Variants in DOCK4 observed in about 807,000 individuals in gnomAD.
DOCK4 encodes dedicator of cytokinesis 4.
A neutral mutation model predicts 268.1 loss-of-function variants in DOCK4; 97 were observed. The ratio of observed to expected loss-of-function variants is 0.36; its 90% CI spans 0.31 to 0.43. The LOEUF (loss-of-function observed/expected upper bound fraction) is 0.43, where lower values mean the gene tolerates loss of function less well. Ranked by LOEUF, DOCK4 falls within the 20% of genes least tolerant of loss-of-function variation. The pLI is 1.00. For missense variants in DOCK4, 2,145 were observed against 2,455.7 expected, an observed-to-expected ratio of 0.87 and a Z score of 2.67; for synonymous variants, 954 against 887.2, an observed-to-expected ratio of 1.08 and a Z score of -1.34.
chr7:112,009,921 A>T (rs533994347), intron 1 of DOCK4, among the ~76,000 whole-genome samples: 106 of 152,288 alleles, frequency 7.0e-4, no homozygotes, highest in African/African-American at 2.5e-3. Context: ...GGCTCAAGCC[A>T]TCCTCCCACC....
At chr7:111,960,348 A>G (rs187067795) in intron 8 of DOCK4, among the ~76,000 whole-genome samples, 152 of 149,622 alleles carry the variant, frequency 1.0e-3, no homozygotes, top group African/African-American at 3.4e-3. Flanking sequence ...TGGGCAACAG[A>G]GCGAGGCTCT....
intron 23 of DOCK4, among the ~76,000 whole-genome samples, chr7:111,860,091 T>TCGA (rs1203737483): frequency 1.3e-5 from 2 of 152,200 alleles, no homozygotes. Context: ...ACTCAAGATA[T>TCGA]CACGTCCTGT....
At chr7:112,074,372 T>C (rs1380934877) in intron 1 of DOCK4, among the ~76,000 whole-genome samples, 3 of 152,200 alleles carry the variant, frequency 2.0e-5, no homozygotes, top group Non-Finnish European at 4.4e-5. Flanking sequence ...ACAACTCCTA[T>C]ATCAAGGGGC....
intron 1 of DOCK4, among the ~76,000 whole-genome samples, chr7:112,203,826 TACACACACACACACAC>T (rs3056587): frequency 2.1e-4 from 31 of 147,000 alleles, no homozygotes; most frequent in Admixed American, 1.2e-3. Flanking sequence ...AAAATTTCAC[TACACACACACACACAC>T]ACACACACAC....
chr7:112,129,666 A>C lies in DOCK4; in HGVS notation c.37+76436T>G, dbSNP rs565623063. Among the ~76,000 whole-genome samples the C allele has an allele frequency of 3.9e-5, 6 of 152,352 alleles. No individual in the cohort carries two copies. In the South Asian group the frequency reaches 1.2e-3, roughly 32 times the overall value. On this transcript the variant is annotated intron_variant, in intron 1 of 52. Coordinates refer to ENST00000428084, the MANE Select transcript of DOCK4 (RefSeq NM_001363540.2). ...GGGTACATAAAATTTCTTCATGTGG[A>C]AGTAGACTCTTGTGAGTCTATAATT...
chr7:112,103,336 T>G (rs142732677), intron 1 of DOCK4, among the ~76,000 whole-genome samples: 10 of 152,064 alleles, frequency 6.6e-5, no homozygotes, highest in Non-Finnish European at 1.3e-4. Context: ...TACTGAAAAA[T>G]GAATGAGAAC....
rs1024249737 is a variant in DOCK4, at chr7:111,974,334, T to C, written c.701+2798A>G. Among the ~76,000 whole-genome samples, 49 of 152,050 alleles carry C rather than the reference T, an allele frequency of 3.2e-4. 2 individuals are homozygous for C. Among genetic ancestry groups the C allele is most frequent in the African/African-American group, 1.1e-3 (44 of 41,382 alleles). On this transcript the variant is annotated intron_variant, in intron 8 of 52. Transcript: ENST00000428084. ...CCAAACATCTAGTAAGCATATATTGTGATACTTATTCATTTTTTTGCCAAT... is the reference window on the plus strand; with the variant it reads ...CCAAACATCTAGTAAGCATATATTGCGATACTTATTCATTTTTTTGCCAAT...
intron 1 of DOCK4, among the ~76,000 whole-genome samples, chr7:112,121,994 T>A (rs1045941400): frequency 6.6e-6 from 1 of 152,176 alleles, no homozygotes; most frequent in Non-Finnish European, 1.5e-5. Context: ...CTCCTGACTA[T>A]AAAAAAATGC....
At chr7:111,815,071 T>C (rs1469129238) in intron 27 of DOCK4, among the ~76,000 whole-genome samples, 2 of 152,210 alleles carry the variant, frequency 1.3e-5, no homozygotes, top group Non-Finnish European at 2.9e-5. Flanking sequence ...AAAATTAAAT[T>C]ATTTTACTTG....
intron 44 of DOCK4, among the ~76,000 whole-genome samples, chr7:111,743,479 G>A (rs1796068406): frequency 6.6e-6 from 1 of 152,288 alleles, no homozygotes; most frequent in African/African-American, 2.4e-5. Context: ...CACTTGGAGT[G>A]CAGTGTGTAT....
At chr7:111,862,811 G>C (rs1275133973) in intron 23 of DOCK4, 2 of 152,808 alleles carry the variant, frequency 1.3e-5, no homozygotes, top group Non-Finnish European at 2.9e-5. Flanking sequence ...ATTATTAATG[G>C]AATCTATTTT....
chr7:112,018,179 A>AAAAAAAAACAC lies in DOCK4; in HGVS notation c.38-14049_38-14048insGTGTTTTTTTT. Among the ~76,000 whole-genome samples the AAAAAAAAACAC allele has an allele frequency of 7.4e-4, 54 of 72,624 alleles. 10 individuals are homozygous for AAAAAAAAACAC. The highest frequency in any genetic ancestry group is 3.2e-3 in the East Asian group (8 of 2,480). 47.6% of individuals were successfully genotyped at this position (72,624 alleles called of 152,430 possible). On this transcript the variant is annotated intron_variant, in intron 1 of 52. Transcript: ENST00000428084. Reference sequence around the variant, plus strand: ...AAAAAAAAAAAAAAAAAAAAAAAAAAACACAGGCAACCAGTATTCATGTGG... The same window carrying AAAAAAAAACAC: ...AAAAAAAAAAAAAAAAAAAAAAAAAAAAAAAAAACACACACAGGCAACCAGTATTCATGTGG...
intron 1 of DOCK4, among the ~76,000 whole-genome samples, chr7:112,180,392 C>A (rs762193442): frequency 1.3e-5 from 2 of 152,144 alleles, no homozygotes; most frequent in Non-Finnish European, 2.9e-5. Flanking sequence ...ACTTTTACCC[C>A]GACAGGTCCA....
chr7:111,860,161 A>C (rs1365697186), intron 23 of DOCK4, among the ~76,000 whole-genome samples: 1 of 152,054 alleles, frequency 6.6e-6, no homozygotes, highest in Non-Finnish European at 1.5e-5. Flanking sequence ...TCCTTCCGAC[A>C]TCTCCTCTTT....
rs561034201 is a variant in DOCK4 at position 112,001,452 on chromosome 7, T to C, written c.122-918A>G. Among the ~76,000 whole-genome samples the C allele has an allele frequency of 6.6e-5, 10 of 152,278 alleles. No individual in the cohort carries two copies. The South Asian group carries it at 1.9e-3, about 28-fold the overall frequency. ...TTTACTAGCCCTCTCGGTTACCAGA[T>C]TGAGGATCACAGTTTTAAAGTCCTT... is the stretch of plus-strand genomic sequence containing the variant. On this transcript the variant is annotated intron_variant, in intron 2 of 52. Transcript: ENST00000428084.
At chr7:111,980,091 C>A (rs1798497150) in intron 7 of DOCK4, among the ~76,000 whole-genome samples, 2 of 152,156 alleles carry the variant, frequency 1.3e-5, no homozygotes, top group Non-Finnish European at 2.9e-5. Flanking sequence ...TGTATTGTTG[C>A]ATCTTTCGAG....
intron 1 of DOCK4, among the ~76,000 whole-genome samples, chr7:112,033,721 A>G (rs1803484969): frequency 6.6e-6 from 1 of 152,216 alleles, no homozygotes; most frequent in Non-Finnish European, 1.5e-5. Flanking sequence ...TAGTTTTCCA[A>G]CATTCACACT....
intron 22 of DOCK4, among the ~76,000 whole-genome samples, chr7:111,867,120 T>A (rs956839850): frequency 6.6e-6 from 1 of 152,132 alleles, no homozygotes; most frequent in African/African-American, 2.4e-5. Flanking sequence ...CTCTCAACAG[T>A]CAGAAAAAAT....
intron 26 of DOCK4, among the ~76,000 whole-genome samples, chr7:111,827,237 C>G (rs577192713): frequency 6.6e-6 from 1 of 152,084 alleles, no homozygotes; most frequent in African/African-American, 2.4e-5. Flanking sequence ...AAGTATCTTA[C>G]GCAAAATAAC....
Sources: allele counts gnomAD v4.1 joint callset (sites outside exome capture counted in the v4.1 genomes callset), GRCh38; gene constraint gnomAD v4.1.1; transcripts MANE v1.5; gene names NCBI Gene and HGNC (gene_info 2026-07-23, HGNC 2026-07-21).